SLC35A3: variants seen among roughly 807,000 people sequenced by gnomAD.
SLC35A3 encodes the protein UDP-N-acetylglucosamine transporter.
SLC35A3 carries 26 observed loss-of-function variants against 39.0 expected under a neutral mutation model. The observed-to-expected ratio is 0.67, with a 90% confidence interval of 0.49 to 0.92. SLC35A3 has a LOEUF of 0.92. SLC35A3 is among the 40% of genes least tolerant of loss of function. The pLI is 0.00. For synonymous variants in SLC35A3, 135 were observed against 133.1 expected (o/e 1.01, Z -0.10); for missense variants, 299 against 371.6 (o/e 0.80, Z 1.61).
rs1419040727 is a variant in SLC35A3 at position 100,032,429 on chromosome 1, A to T, written c.*9953A>T. 1 of 152,144 alleles carries T rather than the reference A, an allele frequency of 6.6e-6. No homozygotes were observed. Among genetic ancestry groups the T allele is most frequent in the Non-Finnish European group, 1.5e-5 (1 of 68,020 alleles). 9.4% of individuals were successfully genotyped at this position (152,144 alleles called of 1,614,324 possible). On this transcript the variant is annotated 3_prime_UTR_variant, in exon 8 of 8. Coordinates refer to ENST00000533028, the MANE Select transcript of SLC35A3 (RefSeq NM_012243.3). Reference sequence around the variant, plus strand: ...TCTAATATCCCTCTTTAAAAAAAAGACCATGTCTTCATGAATTTAAAAAAA... The same window carrying T: ...TCTAATATCCCTCTTTAAAAAAAAGTCCATGTCTTCATGAATTTAAAAAAA...
intron 1 of SLC35A3, among the ~76,000 whole-genome samples, chr1:99,993,271 AT>A (rs1050160626): frequency 2.0e-5 from 3 of 151,566 alleles, no homozygotes; most frequent in African/African-American, 7.3e-5. Flanking sequence ...AATTTACCTT[AT>A]TTTCTTCACC....
intron 1 of SLC35A3, among the ~76,000 whole-genome samples, chr1:99,977,771 T>G (rs956072031): frequency 6.6e-6 from 1 of 152,158 alleles, no homozygotes; most frequent in African/African-American, 2.4e-5. Context: ...ACTCCTGGGC[T>G]CAAGGGATCC....
Position 99,982,869 on chromosome 1 carries a change from A to G in SLC35A3, c.-18-10668A>G, listed in dbSNP as rs1056045299. On this transcript the variant is annotated intron_variant, in intron 1 of 7. Coordinates refer to ENST00000533028, the MANE Select transcript of SLC35A3 (RefSeq NM_012243.3). ...ATAAATATCAAACATCCAAAAATTT[A>G]GAGGAGAATTAGTGATTAGAAAGCA... is the stretch of plus-strand genomic sequence containing the variant. Among the ~76,000 whole-genome samples, 11 of 152,302 alleles carry G rather than the reference A, an allele frequency of 7.2e-5. No homozygotes were observed. In the South Asian group the frequency reaches 2.3e-3, roughly 32 times the overall value.
intron 1 of SLC35A3, among the ~76,000 whole-genome samples, chr1:99,979,404 T>C (rs980901931): frequency 7.2e-5 from 11 of 151,848 alleles, no homozygotes; most frequent in African/African-American, 2.7e-4. Context: ...ATTCTTCTCT[T>C]GTGTATCTGT....
chr1:100,022,307 T>C, intron 7 of SLC35A3, 79 bp from the exon 8 acceptor site: 2 of 723,674 alleles, frequency 2.8e-6, no homozygotes, highest in Non-Finnish European at 4.6e-6. Flanking sequence ...ATAATTGTTT[T>C]TATAGTAAAG....
At chr1:100,007,933 T>G (rs2101322258) in intron 4 of SLC35A3, 1 of 151,938 alleles carries the variant, frequency 6.6e-6, no homozygotes, top group Admixed American at 6.6e-5. Flanking sequence ...AGTGTGGTAT[T>G]TATATCATAA....
In SLC35A3 at chr1:100,033,816, A is replaced by G. The variant is rs541573464; in HGVS notation, c.*11340A>G. On this transcript the variant is annotated 3_prime_UTR_variant, in exon 8 of 8. Transcript: ENST00000533028. ...TCCCATCCTAATCCCCACCTTTGTA[A>G]TAAAATTAATTAAAATTTTAAAAAA... 2 of 152,322 alleles carry G rather than the reference A, an allele frequency of 1.3e-5. No individual in the cohort carries two copies. Among genetic ancestry groups the G allele is most frequent in the South Asian group, 4.1e-4 (2 of 4,828 alleles). 9.4% of individuals were successfully genotyped at this position (152,322 alleles called of 1,614,324 possible).
At chr1:100,015,517 G>A in intron 6 of SLC35A3, 97 bp downstream of exon 6, 1 of 1,304,188 alleles carries the variant, frequency 7.7e-7, no homozygotes, top group Non-Finnish European at 1.0e-6. Flanking sequence ...GGGGGAAAAG[G>A]TCCCTCCTGT....
At chr1:99,991,485 T>C (rs1658081564) in intron 1 of SLC35A3, among the ~76,000 whole-genome samples, 1 of 152,204 alleles carries the variant, frequency 6.6e-6, no homozygotes, top group Non-Finnish European at 1.5e-5. Context: ...GTCTGGAAGT[T>C]TGGTAGCTTA....
In SLC35A3 at chr1:99,997,410, T is replaced by TTATATATATATA. The variant is rs71970416; in HGVS notation, c.188-1815_188-1804dup. Among the ~76,000 whole-genome samples the TTATATATATATA allele has an allele frequency of 1.4e-3, 125 of 92,032 alleles. 3 individuals are homozygous for TTATATATATATA. Among genetic ancestry groups the TTATATATATATA allele is most frequent in the South Asian group, 2.0e-3 (4 of 2,010 alleles). The allele number at this position is 92,032 out of a possible 152,430, so 60.4% of individuals were successfully genotyped here. Reference sequence around the variant, plus strand: ...ACAGTTATATGTTTTATATATAGTTTTATATATATATATATATATATATAT... The same window carrying TTATATATATATA: ...ACAGTTATATGTTTTATATATAGTTTTATATATATATATATATATATATATATATATATATAT... On this transcript the variant is annotated intron_variant, in intron 2 of 7. Transcript: ENST00000533028.
At chr1:100,001,621 A>G (rs1322122429) in intron 3 of SLC35A3, among the ~76,000 whole-genome samples, 1 of 152,066 alleles carries the variant, frequency 6.6e-6, no homozygotes, top group African/African-American at 2.4e-5. Context: ...GGTCCTCTCT[A>G]TATAAGATCA....
intron 1 of SLC35A3, among the ~76,000 whole-genome samples, chr1:99,990,179 T>A (rs1247593741): frequency 3.9e-5 from 6 of 152,196 alleles, no homozygotes; most frequent in African/African-American, 1.4e-4. Flanking sequence ...TGCCTTGTTA[T>A]TATTGAATAT....
chr1:100,016,375 AT>A (rs35656354), intron 6 of SLC35A3, among the ~76,000 whole-genome samples: 26,498 of 81,238 alleles, frequency 0.33, 3,223 homozygotes, highest in African/African-American at 0.5. Flanking sequence ...GGATACTTCT[AT>A]TTTTTTTTTT....
At chr1:100,021,371 T>A (rs1660527501) in intron 7 of SLC35A3, among the ~76,000 whole-genome samples, 1 of 150,736 alleles carries the variant, frequency 6.6e-6, no homozygotes, top group Middle Eastern at 3.4e-3. Flanking sequence ...CTCAAAAAAA[T>A]AAATAAATAA....
At position 100,027,404 on chromosome 1, in the gene SLC35A3, A is replaced by G; in HGVS notation, c.*4928A>G. ...CAATTTGATGCTGCAGTAAACCATG[A>G]TGACACTACTGGACTCTAGCCTGAG... On this transcript the variant is annotated 3_prime_UTR_variant, in exon 8 of 8. Transcript: ENST00000533028. 1 of 384,310 alleles carries G rather than the reference A, an allele frequency of 2.6e-6. No homozygotes were observed. Among genetic ancestry groups the G allele is most frequent in the Non-Finnish European group, 4.6e-6 (1 of 217,642 alleles). The allele number at this position is 384,310 out of a possible 1,614,324, so 23.8% of individuals were successfully genotyped here.
chr1:100,030,667 C>T lies in SLC35A3; in HGVS notation c.*8191C>T, dbSNP rs191479051. The T allele has an allele frequency of 6.6e-6, 1 of 151,708 alleles. No homozygotes were observed. Among genetic ancestry groups the T allele is most frequent in the African/African-American group, 2.4e-5 (1 of 41,282 alleles). The allele number at this position is 151,708 out of a possible 1,614,324, so 9.4% of individuals were successfully genotyped here. A position where few individuals can be genotyped will look rare whatever the true frequency, so the allele number is the denominator to read the frequency against. ...GACTTGTGTGATTTAGACACAAAAT[C>T]TGTGTGTGTGTGTGTTTGGTCTTTT... On this transcript the variant is annotated 3_prime_UTR_variant, in exon 8 of 8. Coordinates refer to ENST00000533028, the MANE Select transcript of SLC35A3 (RefSeq NM_012243.3).
At chr1:99,981,532 T>A (rs998207855) in intron 1 of SLC35A3, among the ~76,000 whole-genome samples, 1 of 151,990 alleles carries the variant, frequency 6.6e-6, no homozygotes, top group Non-Finnish European at 1.5e-5. Context: ...CAGGCTGGAG[T>A]GTAGCAGCGG....
intron 4 of SLC35A3, chr1:100,008,823 T>G (rs887418658): frequency 4.6e-5 from 7 of 152,240 alleles, no homozygotes; most frequent in African/African-American, 1.7e-4. Context: ...GTACTTATAT[T>G]ATAGTTAAAT....
At chr1:99,996,468 A>G (rs150123043) in intron 2 of SLC35A3, among the ~76,000 whole-genome samples, 59 of 152,350 alleles carry the variant, frequency 3.9e-4, no homozygotes, top group African/African-American at 1.4e-3. Flanking sequence ...CAACTTCACT[A>G]GCAATCAAGG....
Sources: allele counts gnomAD v4.1 joint callset (sites outside exome capture counted in the v4.1 genomes callset), GRCh38; gene constraint gnomAD v4.1.1; transcripts MANE v1.5; gene names NCBI Gene and HGNC (gene_info 2026-07-23, HGNC 2026-07-21).